The following SCHIP1 variants were observed in gnomAD, a reference collection of about 807,000 sequenced individuals.
SCHIP1 encodes the protein schwannomin-interacting protein 1.
A neutral mutation model predicts 29.7 loss-of-function variants in SCHIP1; 8 were observed. The observed-to-expected ratio is 0.27, with a 90% CI of 0.16 to 0.49. The LOEUF is 0.49. SCHIP1 is among the 20% of genes least tolerant of loss of function. The pLI, the probability that SCHIP1 is intolerant of heterozygous loss-of-function variation, is 0.99. For missense variants in SCHIP1, 193 were observed against 294.6 expected (o/e 0.66, Z 2.52); for synonymous variants, 76 against 94.9 (o/e 0.80, Z 1.16).
chr3:159,542,169 T>A, the SCHIP1 span, among the ~76,000 whole-genome samples: 28 of 152,270 alleles, frequency 1.8e-4, no homozygotes, highest in East Asian at 4.8e-3. Flanking sequence ...AAATCCTCTG[T>A]TAGATCATTT....
chr3:159,461,585 C>CT, the SCHIP1 span, among the ~76,000 whole-genome samples: 36 of 145,446 alleles, frequency 2.5e-4, no homozygotes, highest in South Asian at 5.5e-3. Context: ...TTTTTTTTTT[C>CT]TTTTTTTTGA....
chr3:159,802,525 G>C, the SCHIP1 span, among the ~76,000 whole-genome samples: 1 of 152,144 alleles, frequency 6.6e-6, no homozygotes, highest in Non-Finnish European at 1.5e-5. Flanking sequence ...AAACAAAAGG[G>C]TTTTGTGCCT....
At chr3:159,322,690 G>A in the SCHIP1 span, among the ~76,000 whole-genome samples, 1 of 152,200 alleles carries the variant, frequency 6.6e-6, no homozygotes, top group Non-Finnish European at 1.5e-5. Context: ...GCACAAAAAT[G>A]TTCCAGGATG....
the SCHIP1 span, among the ~76,000 whole-genome samples, chr3:159,585,396 C>A: frequency 2.6e-5 from 4 of 152,138 alleles, no homozygotes; most frequent in Non-Finnish European, 4.4e-5. Flanking sequence ...AGATTCGTTT[C>A]TTAGAGCCAA....
chr3:159,379,459 G>A, the SCHIP1 span, among the ~76,000 whole-genome samples: 1,807 of 152,274 alleles, frequency 0.012, 38 homozygotes, highest in African/African-American at 0.042. Flanking sequence ...CTGACCTCAG[G>A]TGATCTGCCC....
the SCHIP1 span, among the ~76,000 whole-genome samples, chr3:159,830,063 A>C: frequency 6.6e-6 from 1 of 152,228 alleles, no homozygotes; most frequent in African/African-American, 2.4e-5. Flanking sequence ...ATTGCAACAT[A>C]ATCCATTAAA....
the SCHIP1 span, among the ~76,000 whole-genome samples, chr3:159,522,298 T>A: frequency 4.6e-5 from 7 of 152,174 alleles, no homozygotes; most frequent in African/African-American, 1.4e-4. Context: ...TTTTAGTAAA[T>A]CTTAGTTAAA....
At chr3:159,532,230 G>C in the SCHIP1 span, among the ~76,000 whole-genome samples, 3,351 of 152,110 alleles carry the variant, frequency 0.022, 121 homozygotes, top group African/African-American at 0.077. Flanking sequence ...TAGCTGTTGA[G>C]TATTTTATAA....
the SCHIP1 span, among the ~76,000 whole-genome samples, chr3:159,768,958 C>T: frequency 1.3e-5 from 2 of 152,262 alleles, no homozygotes; most frequent in Admixed American, 1.3e-4. Context: ...GTGCTTCTCA[C>T]AGTCCTGCCC....
the SCHIP1 span, among the ~76,000 whole-genome samples, chr3:159,297,591 G>C: frequency 6.6e-6 from 1 of 152,038 alleles, no homozygotes; most frequent in Non-Finnish European, 1.5e-5. Flanking sequence ...AAGCAATGAT[G>C]ATGGTAAAAT....
the SCHIP1 span, among the ~76,000 whole-genome samples, chr3:159,584,050 G>A: frequency 6.6e-6 from 1 of 152,144 alleles, no homozygotes; most frequent in African/African-American, 2.4e-5. Context: ...CACTGATTAA[G>A]CTATCTGATT....
the SCHIP1 span, among the ~76,000 whole-genome samples, chr3:159,816,816 C>G: frequency 1.3e-5 from 2 of 152,106 alleles, no homozygotes; most frequent in Non-Finnish European, 2.9e-5. Context: ...GCTTCCATGC[C>G]TTTGTTTTTG....
chr3:159,696,739 C>CAGGA, the SCHIP1 span, among the ~76,000 whole-genome samples: 1 of 152,036 alleles, frequency 6.6e-6, no homozygotes, highest in African/African-American at 2.4e-5. Context: ...TAACACAATC[C>CAGGA]AGGAGGTCAG....
the SCHIP1 span, among the ~76,000 whole-genome samples, chr3:159,487,137 T>C: frequency 7.2e-5 from 11 of 152,170 alleles, no homozygotes; most frequent in Middle Eastern, 3.2e-3. Flanking sequence ...TCACCTGTCT[T>C]CTATTATATG....
the SCHIP1 span, among the ~76,000 whole-genome samples, chr3:159,752,465 G>A: frequency 4.6e-5 from 7 of 152,170 alleles, no homozygotes; most frequent in African/African-American, 1.7e-4. Flanking sequence ...ACTGGAGACT[G>A]GGTAATTTAT....
the SCHIP1 span, among the ~76,000 whole-genome samples, chr3:159,365,193 T>C: frequency 6.6e-6 from 1 of 152,160 alleles, no homozygotes; most frequent in Admixed American, 6.5e-5. Context: ...CAGGGATGTC[T>C]CCTGATATGA....
At chr3:159,730,562 C>T in the SCHIP1 span, among the ~76,000 whole-genome samples, 1 of 152,010 alleles carries the variant, frequency 6.6e-6, no homozygotes, top group African/African-American at 2.4e-5. Context: ...TAATGTTTTG[C>T]CTCTTTTTAA....
chr3:159,563,746 G>C, the SCHIP1 span, among the ~76,000 whole-genome samples: 1 of 152,076 alleles, frequency 6.6e-6, no homozygotes, highest in Admixed American at 6.5e-5. Flanking sequence ...AATCACTTTA[G>C]CCAATGACTT....
chr3:159,285,069 CAAT>C, the SCHIP1 span, among the ~76,000 whole-genome samples: 1 of 151,958 alleles, frequency 6.6e-6, no homozygotes, highest in African/African-American at 2.4e-5. Context: ...AATATTAAGA[CAAT>C]AATTTCTTAT....
Sources: gnomAD v4.1 joint callset for allele counts (sites outside exome capture counted in the v4.1 genomes callset) on GRCh38, gnomAD v4.1.1 for gene constraint, MANE v1.5 for transcripts, NCBI Gene and HGNC (gene_info 2026-07-23, HGNC 2026-07-21) for gene names.